Variants in MOCOS observed in about 807,000 individuals in gnomAD.
The protein encoded by MOCOS is human molybdenum cofactor sulfurase.
In MOCOS, 86 loss-of-function variants were observed where a neutral mutation model predicts 83.6. The ratio of observed to expected loss-of-function variants is 1.03; its 90% CI spans 0.86 to 1.23. MOCOS has a LOEUF of 1.23. Ranked by LOEUF, MOCOS falls within the 50% of genes most tolerant of loss-of-function variation. The pLI is 0.00. For missense variants in MOCOS, 1,120 were observed against 1,126.9 expected, an observed-to-expected ratio of 0.99 and a Z score of 0.09; for synonymous variants, 445 against 434.7, an observed-to-expected ratio of 1.02 and a Z score of -0.29.
chr18:36,224,022 T>C (rs910665496), intron 9 of MOCOS, among the ~76,000 whole-genome samples: 1 of 152,168 alleles, frequency 6.6e-6, no homozygotes, highest in Non-Finnish European at 1.5e-5. Context: ...CTAGGTATTG[T>C]ACTCTTTTTT....
chr18:36,201,175 G>A (rs1430171802), intron 4 of MOCOS, among the ~76,000 whole-genome samples: 1 of 152,158 alleles, frequency 6.6e-6, no homozygotes, highest in Non-Finnish European at 1.5e-5. Flanking sequence ...AGACGGGAAG[G>A]GCTTTAGATC....
chr18:36,242,312 T>C (rs2091586815), intron 9 of MOCOS, among the ~76,000 whole-genome samples: 1 of 152,188 alleles, frequency 6.6e-6, no homozygotes. Flanking sequence ...TTGATCCACT[T>C]CCCCACAAGT....
intron 12 of MOCOS, among the ~76,000 whole-genome samples, chr18:36,259,408 C>A (rs563443130): frequency 6.9e-6 from 1 of 144,168 alleles, no homozygotes; most frequent in South Asian, 2.2e-4. Context: ...GAGATTGTGC[C>A]ACTGCACTCC....
chr18:36,266,895 G>A, intron 14 of MOCOS, 42 bp downstream of exon 14: 1 of 1,495,728 alleles, frequency 6.7e-7, no homozygotes. Flanking sequence ...TTCCAATCCT[G>A]GTGTTATCAA....
At chr18:36,259,276 C>G (rs1271758110) in intron 12 of MOCOS, among the ~76,000 whole-genome samples, 1 of 151,656 alleles carries the variant, frequency 6.6e-6, no homozygotes, top group Non-Finnish European at 1.5e-5. Flanking sequence ...GACCCCATCT[C>G]TAAAAAAAGT....
chr18:36,242,379 G>A (rs905642132), intron 9 of MOCOS, among the ~76,000 whole-genome samples: 9 of 152,204 alleles, frequency 5.9e-5, no homozygotes, highest in South Asian at 2.1e-4. Flanking sequence ...CATCACTATC[G>A]GCATTTTGGT....
In MOCOS at chr18:36,251,449, G is replaced by A. The variant is rs12604319; in HGVS notation, c.2164+166G>A. ...CTGCAGTAGCCCCAGGTCAGCAGGC[G>A]AAATGGGCTCCAGGATCTTCTTAAG... On this transcript the variant is annotated intron_variant, in intron 11 of 14. Coordinates refer to ENST00000261326, the MANE Select transcript of MOCOS (RefSeq NM_017947.4). Among the ~76,000 whole-genome samples the A allele has an allele frequency of 0.036, 5,418 of 152,222 alleles. 176 individuals are homozygous for A. Among genetic ancestry groups the A allele is most frequent in the East Asian group, 0.13 (687 of 5,168 alleles).
intron 1 of MOCOS, among the ~76,000 whole-genome samples, chr18:36,194,125 A>G (rs566817587): frequency 2.6e-5 from 4 of 152,208 alleles, no homozygotes; most frequent in Admixed American, 6.5e-5. Context: ...AGTGGTTATC[A>G]AGGGCTGGGG....
chr18:36,261,361 G>A (rs900212226), intron 13 of MOCOS, among the ~76,000 whole-genome samples: 1 of 146,854 alleles, frequency 6.8e-6, no homozygotes, highest in Non-Finnish European at 1.5e-5. Flanking sequence ...GATATATAAT[G>A]TAAATATTCC....
intron 3 of MOCOS, among the ~76,000 whole-genome samples, chr18:36,199,421 C>A (rs554404610): frequency 6.6e-6 from 1 of 152,192 alleles, no homozygotes; most frequent in South Asian, 2.1e-4. Flanking sequence ...AAAGTAGTAT[C>A]AACTCTGATT....
At position 36,251,689 on chromosome 18, in the gene MOCOS, C is replaced by G. The variant is rs149580814; in HGVS notation, c.2164+406C>G. Among the ~76,000 whole-genome samples the G allele has an allele frequency of 3.9e-5, 6 of 152,298 alleles. No homozygotes were observed. In the East Asian group the frequency reaches 1.2e-3, roughly 29 times the overall value. ...GGCGTGACCTTGGTGAATCCTTGAA[C>G]CCCATGGTGCCTCAACTTCTATAGA... On this transcript the variant is annotated intron_variant, in intron 11 of 14. Transcript: ENST00000261326.
Position 36,187,668 on chromosome 18 carries a change from C to A in MOCOS, c.129C>A (p.Phe43Leu). The A allele has an allele frequency of 7.9e-7, 1 of 1,261,864 alleles. No individual in the cohort carries two copies. Among genetic ancestry groups the A allele is most frequent in the Non-Finnish European group, 1.0e-6 (1 of 1,003,708 alleles). The allele number at this position is 1,261,864 out of a possible 1,614,324, so 78.2% of individuals were successfully genotyped here. A position where few individuals can be genotyped will look rare whatever the true frequency, so the allele number is the denominator to read the frequency against. Residue 43 changes from phenylalanine to leucine, a missense_variant, in exon 1 of 15, where the codon TTC (phenylalanine) becomes TTA (leucine). Physicochemically the swap from Phe to Leu is conservative, Grantham distance 22. Transcript: ENST00000261326. ...GSLRELRARE[F>L]SRLAGTVYLD... ...TGCGCGAGCTGCGGGCGCGCGAGTT[C>A]AGCCGCCTGGCAGGTGAGGCGGGCG...
chr18:36,268,516 T>A lies in MOCOS; in HGVS notation c.2515-17T>A. On this transcript the variant is annotated splice_polypyrimidine_tract_variant and intron_variant, in intron 14 of 14. Transcript: ENST00000261326. ...ATAATCTAGCCTTTTTTGTTGTTGTTGCTGTTTTGTTCACAGGTGAACTTT... is the reference window on the plus strand; with the variant it reads ...ATAATCTAGCCTTTTTTGTTGTTGTAGCTGTTTTGTTCACAGGTGAACTTT... 1 of 1,614,164 alleles carries A rather than the reference T, an allele frequency of 6.2e-7. No individual in the cohort carries two copies. Among genetic ancestry groups the A allele is most frequent in the Non-Finnish European group, 8.5e-7 (1 of 1,180,024 alleles).
At chr18:36,245,033 T>A (rs2091597630) in intron 9 of MOCOS, among the ~76,000 whole-genome samples, 1 of 152,120 alleles carries the variant, frequency 6.6e-6, no homozygotes, top group African/African-American at 2.4e-5. Flanking sequence ...GTTAGGTGAG[T>A]CTCTTGAAGA....
chr18:36,219,112 C>G (rs1485917715), intron 8 of MOCOS, among the ~76,000 whole-genome samples: 1 of 151,178 alleles, frequency 6.6e-6, no homozygotes, highest in East Asian at 2.0e-4. Flanking sequence ...CGTGATCTGC[C>G]CGCCTCAGTC....
chr18:36,244,346 AT>A (rs1230083540), intron 9 of MOCOS, among the ~76,000 whole-genome samples: 1 of 151,986 alleles, frequency 6.6e-6, no homozygotes, highest in Non-Finnish European at 1.5e-5. Context: ...AGTTCAAAGA[AT>A]TTTTTAAATT....
intron 7 of MOCOS, 33 bp from the exon 8 acceptor site, chr18:36,215,483 C>A: frequency 6.3e-7 from 1 of 1,593,008 alleles, no homozygotes; most frequent in Middle Eastern, 1.8e-4. Flanking sequence ...AGAAAGGGGT[C>A]ACTCTGGCTG....
At chr18:36,204,160 C>T (rs1427947150) in intron 5 of MOCOS, among the ~76,000 whole-genome samples, 1 of 152,172 alleles carries the variant, frequency 6.6e-6, no homozygotes, top group Admixed American at 6.5e-5. Context: ...GTCGTGCCAC[C>T]ATCACCACTA....
intron 2 of MOCOS, among the ~76,000 whole-genome samples, chr18:36,197,055 C>G (rs1194909361): frequency 6.6e-6 from 1 of 151,882 alleles, no homozygotes; most frequent in Non-Finnish European, 1.5e-5. Context: ...GTGAGGACAC[C>G]AGGAAGGGAG....
Sources: allele counts gnomAD v4.1 joint callset (sites outside exome capture counted in the v4.1 genomes callset), GRCh38; gene constraint gnomAD v4.1.1; transcripts MANE v1.5; gene names NCBI Gene and HGNC (gene_info 2026-07-23, HGNC 2026-07-21).